The following PDHX variants were observed in gnomAD, a reference collection of about 807,000 sequenced individuals.
PDHX encodes the protein pyruvate dehydrogenase protein X component, mitochondrial.
In PDHX, 33 loss-of-function variants were observed where a neutral mutation model predicts 55.3. That is an observed-to-expected ratio of 0.60 (90% CI 0.45 to 0.80). The LOEUF is 0.80. Ranked by LOEUF, PDHX falls within the 30% of genes least tolerant of loss-of-function variation. PDHX has a pLI of 0.00. For missense variants in PDHX, 622 were observed against 619.9 expected, an observed-to-expected ratio of 1.00 and a Z score of -0.04; for synonymous variants, 226 against 219.4, an observed-to-expected ratio of 1.03 and a Z score of -0.27.
intron 1 of PDHX, among the ~76,000 whole-genome samples, chr11:34,919,083 C>T (rs963538240): frequency 6.6e-6 from 1 of 152,098 alleles, no homozygotes; most frequent in Non-Finnish European, 1.5e-5. Flanking sequence ...GGTATTAGGA[C>T]GTGAACCTTT....
chr11:34,988,408 A>T (rs1345795969), intron 9 of PDHX, among the ~76,000 whole-genome samples: 1 of 152,172 alleles, frequency 6.6e-6, no homozygotes, highest in Non-Finnish European at 1.5e-5. Context: ...TTATTAAGTG[A>T]TGTAGCCAGC....
At chr11:34,922,933 T>C (rs1351242097) in intron 1 of PDHX, among the ~76,000 whole-genome samples, 1 of 151,606 alleles carries the variant, frequency 6.6e-6, no homozygotes, top group Non-Finnish European at 1.5e-5. Context: ...AATGGAATGG[T>C]AATTTCTTTT....
At chr11:34,918,965 T>G (rs745897597) in intron 1 of PDHX, among the ~76,000 whole-genome samples, 3 of 152,234 alleles carry the variant, frequency 2.0e-5, no homozygotes, top group Admixed American at 6.5e-5. Context: ...ATTGGGCTCA[T>G]CTGGATGATC....
chr11:34,940,431 A>G (rs1854446696), intron 2 of PDHX, among the ~76,000 whole-genome samples: 1 of 152,230 alleles, frequency 6.6e-6, no homozygotes, highest in African/African-American at 2.4e-5. Flanking sequence ...ATTCTACTAT[A>G]GAAGACACTT....
rs904465865 is a variant in PDHX, at chr11:34,974,056, C to T, written c.964+3770C>T. 5.3e-5 allele frequency among the ~76,000 whole-genome samples: 8 copies of T among 152,216 alleles called. No individual in the cohort carries two copies. The East Asian group carries it at 5.8e-4, about 11-fold the overall frequency. ...ATATAACATGAGTCTTACCATTTTC[C>T]GTGTACAGTTAGTTCGTTGACATTA... On this transcript the variant is annotated intron_variant, in intron 7 of 10. Transcript: ENST00000227868.
chr11:34,958,733 T>A (rs1854958071), intron 4 of PDHX, among the ~76,000 whole-genome samples: 1 of 152,210 alleles, frequency 6.6e-6, no homozygotes, highest in African/African-American at 2.4e-5. Context: ...TTCTAACTAA[T>A]GGTCTTCTGC....
At chr11:34,947,292 A>G (rs1854642420) in intron 2 of PDHX, among the ~76,000 whole-genome samples, 2 of 152,078 alleles carry the variant, frequency 1.3e-5, no homozygotes. Context: ...AGTATAATTT[A>G]TGTCCATTAT....
intron 5 of PDHX, among the ~76,000 whole-genome samples, chr11:34,964,249 TC>T (rs1228196372): frequency 6.6e-6 from 1 of 152,202 alleles, no homozygotes; most frequent in Non-Finnish European, 1.5e-5. Flanking sequence ...AAAAACTAAA[TC>T]ATTGGCTGTT....
intron 2 of PDHX, among the ~76,000 whole-genome samples, chr11:34,939,513 A>G (rs1423764542): frequency 1.3e-5 from 2 of 148,244 alleles, no homozygotes; most frequent in Non-Finnish European, 3.0e-5. Context: ...GTGCACTTGC[A>G]TGCGCGCAGC....
Position 34,992,315 on chromosome 11 carries a change from G to A in PDHX, c.1183G>A (p.Ala395Thr). The A allele has an allele frequency of 6.3e-7, 1 of 1,583,686 alleles. No individual in the cohort carries two copies. The highest frequency in any genetic ancestry group is 8.7e-7 in the Non-Finnish European group (1 of 1,153,036). The part of the protein sequence containing the change: ...GIQEIADSVK[A>T]LSKKARDGKL... ...CCTATTCTGTTTGTATTTTTCTCAG[G>A]CTCTATCAAAGAAAGCAAGAGATGG... The change falls in exon 10 of 11, where the codon GCT (alanine) becomes ACT (threonine). Residue 395 changes from alanine (A) to threonine (T), a missense_variant and splice_region_variant. By Grantham distance (58) the Ala-to-Thr change is moderately conservative. Transcript: ENST00000227868.
At position 34,995,405 on chromosome 11, in the gene PDHX, C is replaced by A; in HGVS notation, c.*233C>A. ...AAAGGAAAGAGAATATTTGGTTACT[C>A]AGATCCATTTTTAACCTCTGGTGCT... is the stretch of plus-strand genomic sequence containing the variant. On this transcript the variant is annotated 3_prime_UTR_variant, in exon 11 of 11. Coordinates refer to ENST00000227868, the MANE Select transcript of PDHX (RefSeq NM_003477.3). 1 of 490,164 alleles carries A rather than the reference C, an allele frequency of 2.0e-6. No individual in the cohort carries two copies. 30.4% of individuals were successfully genotyped at this position (490,164 alleles called of 1,614,324 possible). A position where few individuals can be genotyped will look rare whatever the true frequency, so the allele number is the denominator to read the frequency against.
intron 3 of PDHX, among the ~76,000 whole-genome samples, chr11:34,947,987 G>A (rs2985149): frequency 0.6 from 91,231 of 152,026 alleles, 28,883 homozygotes; most frequent in East Asian, 0.75. Flanking sequence ...GTAGTATGGT[G>A]GAGCATCTAA....
At chr11:34,919,228 T>C (rs1853814917) in intron 1 of PDHX, among the ~76,000 whole-genome samples, 1 of 152,212 alleles carries the variant, frequency 6.6e-6, no homozygotes, top group Non-Finnish European at 1.5e-5. Flanking sequence ...CAGATTTTTG[T>C]TTTGCCATGC....
chr11:34,942,171 A>G (rs1854503662), intron 2 of PDHX, among the ~76,000 whole-genome samples: 1 of 150,780 alleles, frequency 6.6e-6, no homozygotes. Context: ...TTATACATTA[A>G]TGTTTGTTGG....
intron 9 of PDHX, chr11:34,984,961 A>C (rs1855608935): frequency 2.2e-6 from 1 of 449,906 alleles, no homozygotes; most frequent in African/African-American, 2.0e-5. Context: ...TATATAAACA[A>C]ATTAGGGAAC....
chr11:34,932,417 G>A (rs1374092333), intron 2 of PDHX, among the ~76,000 whole-genome samples: 2 of 152,040 alleles, frequency 1.3e-5, no homozygotes, highest in Non-Finnish European at 2.9e-5. Context: ...CAAGAAAGTG[G>A]GCGATACATG....
At chr11:34,927,212 G>A (rs895007886) in intron 1 of PDHX, among the ~76,000 whole-genome samples, 2 of 105,970 alleles carry the variant, frequency 1.9e-5, no homozygotes, top group African/African-American at 3.7e-5. Flanking sequence ...GCAGAACACT[G>A]AAGTGACTAC....
intron 1 of PDHX, among the ~76,000 whole-genome samples, chr11:34,926,553 G>A (rs1003045219): frequency 2.6e-5 from 4 of 152,118 alleles, no homozygotes; most frequent in African/African-American, 9.6e-5. Flanking sequence ...TGTACCATAT[G>A]TAAACTGCTG....
intron 5 of PDHX, among the ~76,000 whole-genome samples, chr11:34,963,700 A>G (rs1166919961): frequency 6.6e-6 from 1 of 152,182 alleles, no homozygotes; most frequent in Non-Finnish European, 1.5e-5. Context: ...TGTGAAGAAA[A>G]TCTTGGGTAT....
Sources: gnomAD v4.1 joint callset for allele counts (sites outside exome capture counted in the v4.1 genomes callset) on GRCh38, gnomAD v4.1.1 for gene constraint, MANE v1.5 for transcripts, NCBI Gene and HGNC (gene_info 2026-07-23, HGNC 2026-07-21) for gene names.